DIP2A: variants seen among roughly 807,000 people sequenced by gnomAD.
The protein encoded by DIP2A is DIP2 acetate--CoA ligase A, also known as disco-interacting protein 2 homolog A.
Under a neutral mutation model 177.4 loss-of-function variants are expected in DIP2A, and 85 were observed. The ratio of observed to expected loss-of-function variants is 0.48; its 90% confidence interval spans 0.40 to 0.57. The LOEUF is 0.57. DIP2A is among the 20% of genes least tolerant of loss of function. DIP2A has a pLI of 0.00. For synonymous variants in DIP2A, 886 were observed against 881.8 expected (o/e 1.00, Z -0.08); for missense variants, 1,791 against 2,100.2 (o/e 0.85, Z 2.88).
intron 1 of DIP2A, 128 bp from the exon 2 acceptor site, chr21:46,484,629 G>T: frequency 1.3e-6 from 1 of 772,272 alleles, no homozygotes. Flanking sequence ...GTCCATTATA[G>T]TTTATTTGTC....
chr21:46,557,679 C>G lies in DIP2A; in HGVS notation c.3724C>G (p.Arg1242Gly), dbSNP rs765277345. 15 of 1,613,566 alleles carry G rather than the reference C, an allele frequency of 9.3e-6. No homozygotes were observed. The highest frequency in any genetic ancestry group is 7.6e-6 in the Non-Finnish European group (9 of 1,179,834). The change falls in exon 31 of 38, where the codon CGC becomes GGC. Residue 1242 changes from arginine to glycine, a missense_variant. By Grantham distance (125) the Arg-to-Gly change is moderately radical. Coordinates refer to ENST00000417564, the MANE Select transcript of DIP2A (RefSeq NM_015151.4). This position sits in a 1 kb window ranked among gnomAD's most constrained non-coding sequence, Gnocchi z 6.0. ...GTCGGCCGTCAGCCAGTACAAGGCC[C>G]GCGTCACCTTCTGCTCCTACTCTGT... is the stretch of plus-strand genomic sequence containing the variant. ...WLSAVSQYKARVTFCSYSVME... is the reference protein window; with the variant it reads ...WLSAVSQYKAGVTFCSYSVME...
Position 46,504,429 on chromosome 21 carries a change from G to A in DIP2A, c.724G>A (p.Val242Met). 2 of 1,613,878 alleles carry A rather than the reference G, an allele frequency of 1.2e-6. No homozygotes were observed. Among genetic ancestry groups the A allele is most frequent in the Non-Finnish European group, 1.7e-6 (2 of 1,179,836 alleles). Residue 242 changes from valine (V) to methionine (M), a missense_variant, in exon 6 of 38, where the codon GTG becomes ATG. Val to Met is a conservative substitution (Grantham distance 21, BLOSUM62 1). Coordinates refer to ENST00000417564, the MANE Select transcript of DIP2A (RefSeq NM_015151.4). ...VEHSYFERPQ[V>M]ASVRSVPRGC... is the part of the protein sequence containing the mutation. ...GCATTCGTACTTTGAGCGTCCACAG[G>A]TGGCTTCTGTGAGAAGTGTTCCTCG...
the DIP2A span, among the ~76,000 whole-genome samples, chr21:46,576,036 C>G: frequency 3.9e-5 from 6 of 152,220 alleles, no homozygotes; most frequent in African/African-American, 1.4e-4. Context: ...TAAGGACATT[C>G]TTAGATAAGC....
At chr21:46,560,321 G>A (rs527604248) in intron 32 of DIP2A, among the ~76,000 whole-genome samples, 12 of 152,234 alleles carry the variant, frequency 7.9e-5, no homozygotes, top group African/African-American at 2.2e-4. Context: ...TCTCGGCTGC[G>A]AGCAGTCCCC....
chr21:46,538,052 T>C (rs1253112462), intron 15 of DIP2A, among the ~76,000 whole-genome samples: 1 of 150,056 alleles, frequency 6.7e-6, no homozygotes, highest in African/African-American at 2.5e-5. Context: ...TGGGTAGGGG[T>C]GGGGGGATTG....
rs1430660811 is a variant in DIP2A, at chr21:46,537,480, C to T, written c.1742C>T (p.Pro581Leu). 1.9e-6 allele frequency: 3 copies of T among 1,614,084 alleles called. No homozygotes were observed. Residue 581 changes from proline (P) to leucine (L), a missense_variant, in exon 15 of 38, where the codon CCC (proline) becomes CTC (leucine). Pro to Leu is a moderately conservative substitution (Grantham distance 98). Transcript: ENST00000417564. This position sits in a 1 kb window ranked among gnomAD's most constrained non-coding sequence, Gnocchi z 4.1. ...VMNRMHVVSV[P>L]YALMKANPLS... ...AACAGGATGCACGTGGTCAGCGTCC[C>T]CTACGCGCTGATGAAGGCGAACCCA...
chr21:46,498,568 T>A lies in DIP2A; in HGVS notation c.404-14T>A. 1 of 1,596,328 alleles carries A rather than the reference T, an allele frequency of 6.3e-7. No individual in the cohort carries two copies. On this transcript the variant is annotated splice_polypyrimidine_tract_variant and intron_variant, in intron 4 of 37. Coordinates refer to ENST00000417564, the MANE Select transcript of DIP2A (RefSeq NM_015151.4). The surrounding 1 kb of genome is among the most constrained non-coding windows in gnomAD (Gnocchi z 4.3). ...ATCCCGATATCATGCCTGTCATCGT[T>A]ATTTTAACCACAGACACGTCGTCTG...
rs762966425 is a variant in DIP2A at position 46,558,267 on chromosome 21, C to T, written c.3843C>T (p.Val1281=). The change falls in exon 32 of 38, where the codon GTC becomes GTT. Residue 1281 remains valine, a synonymous_variant. Transcript: ENST00000417564. ...NLSCVRTCMV[V]AEERPRIALT... The stretch of plus-strand genomic sequence containing the variant: ...CATGTGTGCGCACGTGCATGGTGGT[C>T]GCCGAGGAGCGGCCCAGGATTGCGC... 20 of 1,612,450 alleles carry T rather than the reference C, an allele frequency of 1.2e-5. No homozygotes were observed. The highest frequency in any genetic ancestry group is 3.3e-5 in the South Asian group (3 of 90,864).
chr21:46,479,943 C>T (rs931116164), intron 1 of DIP2A, among the ~76,000 whole-genome samples: 3 of 152,140 alleles, frequency 2.0e-5, no homozygotes, highest in Non-Finnish European at 4.4e-5. Flanking sequence ...GAAATCTCTA[C>T]GTGCTTATAT....
At chr21:46,532,001 T>C (rs1022746055) in intron 9 of DIP2A, 126 bp from the exon 10 acceptor site, 11 of 843,640 alleles carry the variant, frequency 1.3e-5, no homozygotes, top group Admixed American at 5.3e-5. Context: ...TTGTCCCTTA[T>C]GGTTTCAAGC....
At chr21:46,572,668 C>A (rs2060976555), downstream of DIP2A, among the ~76,000 whole-genome samples, 1 of 152,166 alleles carries the variant, frequency 6.6e-6, no homozygotes, top group African/African-American at 2.4e-5. Flanking sequence ...AGCAAGAAGA[C>A]CCTGACCTGA....
chr21:46,571,912 C>T (rs192682432), downstream of DIP2A, among the ~76,000 whole-genome samples: 1 of 152,168 alleles, frequency 6.6e-6, no homozygotes, highest in East Asian at 1.9e-4. Flanking sequence ...GCCTGTTTGC[C>T]CTGACCAGAA....
intron 34 of DIP2A, among the ~76,000 whole-genome samples, chr21:46,562,097 C>T (rs1161546451): frequency 6.6e-6 from 1 of 152,178 alleles, no homozygotes. Flanking sequence ...CCTCTGGGGC[C>T]AGGGCCATGG....
At position 46,537,421 on chromosome 21, in the gene DIP2A, C is replaced by A. The variant is rs956713787; in HGVS notation, c.1708-25C>A. ...TCTGGTGTGGCTCGGGCCCACTCGC[C>A]CTAAGCATGTGTGCTCCCCCACAGA... On this transcript the variant is annotated intron_variant, in intron 14 of 37. Transcript: ENST00000417564. The surrounding 1 kb of genome is among the most constrained non-coding windows in gnomAD (Gnocchi z 4.1). 6.2e-7 allele frequency: 1 copy of A among 1,613,450 alleles called. No homozygotes were observed. The highest frequency in any genetic ancestry group is 1.7e-5 in the Admixed American group (1 of 59,992).
intron 1 of DIP2A, among the ~76,000 whole-genome samples, chr21:46,477,575 T>G (rs76346449): frequency 0.44 from 28,634 of 65,684 alleles, 3,690 homozygotes; most frequent in Non-Finnish European, 0.46. Context: ...GTGTATTTCT[T>G]TTTTTTTTTT....
intron 8 of DIP2A, among the ~76,000 whole-genome samples, chr21:46,521,423 A>G (rs998520185): frequency 2.6e-5 from 4 of 152,142 alleles, no homozygotes; most frequent in Non-Finnish European, 5.9e-5. Flanking sequence ...TCCTGACCTC[A>G]AGTGATCTGC....
At chr21:46,541,291 C>T (rs538720709) in intron 17 of DIP2A, among the ~76,000 whole-genome samples, 15 of 152,272 alleles carry the variant, frequency 9.9e-5, no homozygotes, top group East Asian at 1.9e-4. Context: ...TTCTGGCTTG[C>T]AGGAGATGGT....
intron 9 of DIP2A, among the ~76,000 whole-genome samples, chr21:46,531,032 T>G (rs1842243510): frequency 6.6e-6 from 1 of 152,156 alleles, no homozygotes; most frequent in Non-Finnish European, 1.5e-5. Flanking sequence ...AAGCACTTTC[T>G]TGTCAAGTTC....
At chr21:46,464,717 G>T (rs1208481553) in intron 1 of DIP2A, among the ~76,000 whole-genome samples, 1 of 151,390 alleles carries the variant, frequency 6.6e-6, no homozygotes, top group African/African-American at 2.4e-5. Context: ...ACCTGTCCCT[G>T]CGATAACAGC....
Sources: gnomAD v4.1 joint callset for allele counts (sites outside exome capture counted in the v4.1 genomes callset) on GRCh38, gnomAD v4.1.1 for gene constraint, Gnocchi (gnomAD v3.1) non-coding constraint, MANE v1.5 for transcripts, NCBI Gene and HGNC (gene_info 2026-07-23, HGNC 2026-07-21) for gene names.